The following ZFHX3 variants were observed in gnomAD, a reference collection of about 807,000 sequenced individuals.
The protein encoded by ZFHX3 is zinc finger homeobox protein 3.
ZFHX3 carries 42 observed loss-of-function variants against 279.1 expected under a neutral mutation model. The observed-to-expected ratio is 0.15, with a 90% CI of 0.12 to 0.19. ZFHX3 has a LOEUF of 0.19. Ranked by LOEUF, ZFHX3 falls within the 10% of genes least tolerant of loss-of-function variation. The pLI is 1.00. For synonymous variants in ZFHX3, 2,293 were observed against 1,957.8 expected (o/e 1.17, Z -4.52); for missense variants, 4,981 against 4,754.0 (o/e 1.05, Z -1.40).
intron 3 of ZFHX3, among the ~76,000 whole-genome samples, chr16:72,935,254 T>C (rs1412528961): frequency 6.6e-6 from 1 of 152,146 alleles, no homozygotes; most frequent in Admixed American, 6.5e-5. Flanking sequence ...CTTCTCTCAC[T>C]GGGAATATGT....
intron 2 of ZFHX3, among the ~76,000 whole-genome samples, chr16:73,464,312 C>T (rs2018524510): frequency 6.6e-6 from 1 of 151,920 alleles, no homozygotes; most frequent in South Asian, 2.1e-4. Context: ...CAATTTGTGC[C>T]GAGTGATTGC....
chr16:72,801,944 T>C (rs2036115078), intron 7 of ZFHX3, among the ~76,000 whole-genome samples: 1 of 151,578 alleles, frequency 6.6e-6, no homozygotes, highest in Non-Finnish European at 1.5e-5. Flanking sequence ...CCCCCCCACC[T>C]CCTTTCTCGG....
intron 6 of ZFHX3, among the ~76,000 whole-genome samples, chr16:73,131,924 C>T (rs951440313): frequency 3.9e-5 from 6 of 152,110 alleles, no homozygotes; most frequent in Admixed American, 2.0e-4. Flanking sequence ...TTTAACTGCT[C>T]GGTTAACTAG....
intron 7 of ZFHX3, among the ~76,000 whole-genome samples, chr16:73,120,149 C>T (rs918017375): frequency 2.0e-5 from 3 of 152,084 alleles, no homozygotes; most frequent in Non-Finnish European, 2.9e-5. Context: ...CTCTTTCTGT[C>T]CCTGATCTAT....
chr16:73,474,919 T>A (rs930041448), intron 2 of ZFHX3, among the ~76,000 whole-genome samples: 1 of 152,174 alleles, frequency 6.6e-6, no homozygotes, highest in Non-Finnish European at 1.5e-5. Context: ...AGTTGATACA[T>A]TATTTCTTTC....
At chr16:73,757,182 G>T (rs1567399932) in intron 1 of ZFHX3, among the ~76,000 whole-genome samples, 1 of 152,134 alleles carries the variant, frequency 6.6e-6, no homozygotes, top group African/African-American at 2.4e-5. Flanking sequence ...GGAAAGGGAG[G>T]GAAGGGTTGC....
At chr16:73,850,079 C>A (rs1398302833) in intron 1 of ZFHX3, among the ~76,000 whole-genome samples, 1 of 152,158 alleles carries the variant, frequency 6.6e-6, no homozygotes, top group Non-Finnish European at 1.5e-5. Flanking sequence ...GAGTAATTTG[C>A]CACGATTTAC....
At chr16:73,735,475 G>A (rs1165791454) in intron 1 of ZFHX3, among the ~76,000 whole-genome samples, 1 of 151,294 alleles carries the variant, frequency 6.6e-6, no homozygotes, top group African/African-American at 2.4e-5. Flanking sequence ...GACTACTCTA[G>A]GTATCTCAAA....
intron 3 of ZFHX3, among the ~76,000 whole-genome samples, chr16:72,940,925 T>C (rs1041128760): frequency 1.3e-5 from 2 of 152,254 alleles, no homozygotes. Flanking sequence ...TTAAACCTAC[T>C]CTCTGCATTC....
chr16:73,647,896 G>C (rs1283045364), intron 2 of ZFHX3, among the ~76,000 whole-genome samples: 2 of 151,976 alleles, frequency 1.3e-5, no homozygotes, highest in Admixed American at 1.3e-4. Flanking sequence ...TCAGTTTATA[G>C]AAAATAAATA....
At chr16:72,952,351 C>T (rs1961039542) in intron 2 of ZFHX3, among the ~76,000 whole-genome samples, 1 of 152,244 alleles carries the variant, frequency 6.6e-6, no homozygotes. Context: ...CCCATGTCTT[C>T]TCAGTAGGGC....
intron 1 of ZFHX3, among the ~76,000 whole-genome samples, chr16:73,796,732 C>G (rs926541896): frequency 6.6e-6 from 1 of 152,152 alleles, no homozygotes; most frequent in African/African-American, 2.4e-5. Flanking sequence ...ATAATGCATG[C>G]TTCGGGGAGA....
intron 5 of ZFHX3, among the ~76,000 whole-genome samples, chr16:73,214,858 T>C (rs1483426771): frequency 6.9e-6 from 1 of 144,970 alleles, no homozygotes; most frequent in Non-Finnish European, 1.5e-5. Flanking sequence ...TTTTTTTTTT[T>C]TTTTTTTTTT....
rs1348812058 is a variant in ZFHX3 at position 73,551,973 on chromosome 16, G to C, written c.-1546-95715C>G. 2.6e-5 allele frequency among the ~76,000 whole-genome samples: 4 copies of C among 152,244 alleles called. No homozygotes were observed. The East Asian group carries it at 7.7e-4, about 29-fold the overall frequency. ...CCATCTTGATGTTTTATGTTGAAAG[G>C]ATAGAGATAATTCTAGCATAGATGT... On this transcript the variant is annotated intron_variant, in intron 2 of 17. Coordinates refer to the ZFHX3 transcript ENST00000641206.
At chr16:72,915,384 A>G (rs2039418528) in intron 3 of ZFHX3, among the ~76,000 whole-genome samples, 1 of 152,186 alleles carries the variant, frequency 6.6e-6, no homozygotes, top group Admixed American at 6.6e-5. Flanking sequence ...AAGGCTCTCG[A>G]CACCCAGTGT....
chr16:73,675,900 C>T (rs1420950937), intron 2 of ZFHX3, among the ~76,000 whole-genome samples: 1 of 151,852 alleles, frequency 6.6e-6, no homozygotes, highest in Admixed American at 6.6e-5. Context: ...AAAATTAATA[C>T]AACAAAATTA....
At chr16:73,206,108 A>G (rs1419126476) in intron 5 of ZFHX3, among the ~76,000 whole-genome samples, 2 of 152,234 alleles carry the variant, frequency 1.3e-5, no homozygotes, top group Non-Finnish European at 1.5e-5. Context: ...GATTGACTAC[A>G]TTTTAAAAAC....
chr16:72,834,105 G>T (rs565615446), intron 4 of ZFHX3, among the ~76,000 whole-genome samples: 2 of 152,220 alleles, frequency 1.3e-5, no homozygotes, highest in South Asian at 4.2e-4. Context: ...AAATTAGCTG[G>T]GTGTGATGGC....
rs532125173 is a variant in ZFHX3 at position 72,967,231 on chromosome 16, CT to C, written c.-49-7038del. ...TCTCCACAAAATGGAACTGGGGCTC[CT>C]TGGAGACATGGCCAATTCTTGGGCT... On this transcript the variant is annotated intron_variant, in intron 1 of 9. Transcript: ENST00000268489. Among the ~76,000 whole-genome samples, 13 of 152,256 alleles carry C rather than the reference CT, an allele frequency of 8.5e-5. No individual in the cohort carries two copies. The South Asian group carries it at 2.7e-3, about 32-fold the overall frequency.
Sources: gnomAD v4.1 joint callset for allele counts (sites outside exome capture counted in the v4.1 genomes callset) on GRCh38, gnomAD v4.1.1 for gene constraint, MANE v1.5 for transcripts, NCBI Gene and HGNC (gene_info 2026-07-23, HGNC 2026-07-21) for gene names.